RIMS1: variants seen among roughly 807,000 people sequenced by gnomAD.
RIMS1 encodes the protein regulating synaptic membrane exocytosis protein 1.
In RIMS1, 83 loss-of-function variants were observed where a neutral mutation model predicts 214.1. That is an observed-to-expected ratio of 0.39 (90% CI 0.32 to 0.47). RIMS1 has a LOEUF of 0.47. Ranked by LOEUF, RIMS1 falls within the 20% of genes least tolerant of loss-of-function variation. The pLI is 0.99. For synonymous variants in RIMS1, 793 were observed against 786.8 expected (o/e 1.01, Z -0.13); for missense variants, 2,050 against 2,161.8 (o/e 0.95, Z 1.03).
In RIMS1 at chr6:72,183,038, G is replaced by T. The variant is rs778848762; in HGVS notation, c.1567G>T (p.Gly523Cys). The change falls in exon 6 of 34, where the codon GGC becomes TGC. Residue 523 changes from glycine (G) to cysteine (C), a missense_variant. By Grantham distance (159) the Gly-to-Cys change is radical (BLOSUM62 -3). Transcript: ENST00000521978. ...CAAGCCGCACCGGTCCAAGAGAGGC[G>T]GCAAGAAGCGGCAGATGTCGGTGAG... ...PPKPHRSKRG[G>C]KKRQMSVSSS... 20 of 1,598,934 alleles carry T rather than the reference G, an allele frequency of 1.3e-5. No individual in the cohort carries two copies. In the Middle Eastern group the frequency reaches 1.5e-3, roughly 119 times the overall value.
At chr6:72,139,742 A>T (rs1347126679) in intron 4 of RIMS1, among the ~76,000 whole-genome samples, 1 of 152,124 alleles carries the variant, frequency 6.6e-6, no homozygotes, top group Non-Finnish European at 1.5e-5. Context: ...TTTCAAAAGA[A>T]TACATTTCCC....
intron 2 of RIMS1, among the ~76,000 whole-genome samples, chr6:72,014,929 G>T (rs9446545): frequency 0.13 from 20,343 of 152,134 alleles, 1,423 homozygotes; most frequent in South Asian, 0.18. Flanking sequence ...CTCAGATTTT[G>T]TATTAGGTTA....
intron 23 of RIMS1, among the ~76,000 whole-genome samples, chr6:72,279,084 T>G (rs1174024176): frequency 6.6e-6 from 1 of 152,008 alleles, no homozygotes; most frequent in Non-Finnish European, 1.5e-5. Flanking sequence ...ATTTTGTCCT[T>G]TAATAAAATT....
chr6:72,213,087 ATC>A, intron 6 of RIMS1: 1 of 1,536,470 alleles, frequency 6.5e-7, no homozygotes, highest in Non-Finnish European at 8.7e-7. Flanking sequence ...CAAGGCTTAA[ATC>A]TCTCAAGCTG....
At chr6:71,906,799 A>G (rs765410044) in intron 1 of RIMS1, among the ~76,000 whole-genome samples, 2 of 152,204 alleles carry the variant, frequency 1.3e-5, no homozygotes, top group Non-Finnish European at 2.9e-5. Flanking sequence ...ATAGGATAAC[A>G]ATGGTAATAT....
intron 4 of RIMS1, among the ~76,000 whole-genome samples, chr6:72,156,478 G>A (rs1048662128): frequency 7.1e-6 from 1 of 140,248 alleles, no homozygotes; most frequent in African/African-American, 2.5e-5. Context: ...GGGGGATGAA[G>A]GAAATGGGGA....
At position 71,973,055 on chromosome 6, in the gene RIMS1, A is replaced by G. The variant is rs563911509; in HGVS notation, c.245+3992A>G. Reference sequence around the variant, plus strand: ...CTCCCAAGTAGCTGGGATTACAGGCATGCGCCACCACACCCAGCTACTTTT... The same window carrying G: ...CTCCCAAGTAGCTGGGATTACAGGCGTGCGCCACCACACCCAGCTACTTTT... On this transcript the variant is annotated intron_variant, in intron 2 of 33. Coordinates refer to ENST00000521978, the MANE Select transcript of RIMS1 (RefSeq NM_014989.7). 3.9e-5 allele frequency among the ~76,000 whole-genome samples: 6 copies of G among 152,258 alleles called. No individual in the cohort carries two copies. In the South Asian group the frequency reaches 1.2e-3, roughly 32 times the overall value.
At chr6:71,965,492 T>G (rs1430870690) in intron 1 of RIMS1, among the ~76,000 whole-genome samples, 1 of 152,250 alleles carries the variant, frequency 6.6e-6, no homozygotes, top group Non-Finnish European at 1.5e-5. Context: ...ATCTGCAGGC[T>G]TGTGGCAATG....
At chr6:72,370,944 G>A (rs2098197650) in intron 29 of RIMS1, among the ~76,000 whole-genome samples, 1 of 152,132 alleles carries the variant, frequency 6.6e-6, no homozygotes, top group Non-Finnish European at 1.5e-5. Flanking sequence ...GGAAGTATGG[G>A]AGAAATTTGT....
chr6:72,314,823 T>G (rs1167314417), intron 28 of RIMS1, among the ~76,000 whole-genome samples: 1 of 152,138 alleles, frequency 6.6e-6, no homozygotes, highest in Non-Finnish European at 1.5e-5. Context: ...AAATAGGATG[T>G]AACCAAGGAC....
intron 4 of RIMS1, among the ~76,000 whole-genome samples, chr6:72,109,536 T>G (rs890305566): frequency 1.3e-5 from 2 of 151,918 alleles, no homozygotes; most frequent in African/African-American, 4.8e-5. Flanking sequence ...TCGCCCACTT[T>G]TTGATGGGGT....
intron 2 of RIMS1, among the ~76,000 whole-genome samples, chr6:71,981,023 G>A (rs1423647260): frequency 6.6e-6 from 1 of 152,064 alleles, no homozygotes; most frequent in African/African-American, 2.4e-5. Context: ...AGATTCTGTG[G>A]CACAGTGGAG....
At chr6:72,225,593 G>A (rs1461463305) in intron 6 of RIMS1, among the ~76,000 whole-genome samples, 1 of 152,030 alleles carries the variant, frequency 6.6e-6, no homozygotes, top group Non-Finnish European at 1.5e-5. Context: ...TAAACCTATG[G>A]TTAACATCCA....
intron 2 of RIMS1, among the ~76,000 whole-genome samples, chr6:72,093,590 T>G (rs2029931793): frequency 6.6e-6 from 1 of 152,118 alleles, no homozygotes; most frequent in Non-Finnish European, 1.5e-5. Context: ...TTTTAAAATC[T>G]AATGTGATGA....
At chr6:71,890,679 C>T (rs1196725368) in intron 1 of RIMS1, among the ~76,000 whole-genome samples, 2 of 149,732 alleles carry the variant, frequency 1.3e-5, no homozygotes, top group Non-Finnish European at 3.0e-5. Context: ...GGATGAGAAT[C>T]GAGTACCATA....
chr6:71,969,474 C>T (rs1374479554), intron 2 of RIMS1, among the ~76,000 whole-genome samples: 1 of 152,124 alleles, frequency 6.6e-6, no homozygotes, highest in Non-Finnish European at 1.5e-5. Context: ...CATTATCTAA[C>T]CCTCAACATA....
At chr6:72,207,708 G>A (rs1344459901) in intron 6 of RIMS1, among the ~76,000 whole-genome samples, 1 of 152,050 alleles carries the variant, frequency 6.6e-6, no homozygotes, top group Non-Finnish European at 1.5e-5. Context: ...ATTACTTCCA[G>A]TTTACACTAA....
At chr6:72,313,745 AT>A (rs1389756799) in intron 28 of RIMS1, 73 bp downstream of exon 28, 14 of 1,425,192 alleles carry the variant, frequency 9.8e-6, no homozygotes, top group Non-Finnish European at 1.3e-5. Context: ...CTTCCTGAAT[AT>A]TTTTTCTATA....
chr6:71,970,475 T>C (rs987701200), intron 2 of RIMS1, among the ~76,000 whole-genome samples: 1 of 152,244 alleles, frequency 6.6e-6, no homozygotes, highest in East Asian at 1.9e-4. Flanking sequence ...GGTTTCATTT[T>C]AATTGGTCTC....
Sources: gnomAD v4.1 joint callset for allele counts (sites outside exome capture counted in the v4.1 genomes callset) on GRCh38, gnomAD v4.1.1 for gene constraint, MANE v1.5 for transcripts, NCBI Gene and HGNC (gene_info 2026-07-23, HGNC 2026-07-21) for gene names.